Variants in TBC1D14 observed in about 807,000 individuals in gnomAD.
The protein encoded by TBC1D14 is TBC1 domain family, member 14.
In TBC1D14, 26 loss-of-function variants were observed where a neutral mutation model predicts 79.0. That is an observed-to-expected ratio of 0.33 (90% CI 0.24 to 0.46). The LOEUF (loss-of-function observed/expected upper bound fraction) is 0.46. TBC1D14 is among the 20% of genes least tolerant of loss of function. The probability of loss-of-function intolerance (pLI) is 1.00; values close to 1 mark genes in which losing one functional copy is unlikely to be tolerated. For missense variants in TBC1D14, 769 were observed against 887.6 expected, an observed-to-expected ratio of 0.87 and a Z score of 1.70; for synonymous variants, 394 against 349.9, an observed-to-expected ratio of 1.13 and a Z score of -1.40.
chr4:6,955,800 A>C (rs1442113883), intron 2 of TBC1D14, among the ~76,000 whole-genome samples: 1 of 152,182 alleles, frequency 6.6e-6, no homozygotes, highest in African/African-American at 2.4e-5. Flanking sequence ...CCACCAGGTC[A>C]GGGAGGATTG....
intron 13 of TBC1D14, among the ~76,000 whole-genome samples, chr4:7,027,593 G>C (rs187945588): frequency 8.0e-6 from 1 of 124,628 alleles, no homozygotes; most frequent in Non-Finnish European, 1.7e-5. Flanking sequence ...ACCCACCCAC[G>C]CATACAATTA....
At chr4:6,923,124 C>T (rs1723998042) in intron 1 of TBC1D14, among the ~76,000 whole-genome samples, 3 of 152,228 alleles carry the variant, frequency 2.0e-5, no homozygotes, top group Admixed American at 6.5e-5. Context: ...TCGCTTGAAC[C>T]CAGGAGGCAG....
At chr4:6,971,239 A>T (rs1196757312) in intron 3 of TBC1D14, among the ~76,000 whole-genome samples, 1 of 152,266 alleles carries the variant, frequency 6.6e-6, no homozygotes, top group Non-Finnish European at 1.5e-5. Flanking sequence ...GCATTATGAC[A>T]TCTACTTGCT....
intron 12 of TBC1D14, among the ~76,000 whole-genome samples, chr4:7,022,362 G>T (rs574928206): frequency 6.6e-6 from 1 of 152,250 alleles, no homozygotes; most frequent in Non-Finnish European, 1.5e-5. Flanking sequence ...GCGAGGCAGA[G>T]GGAAGTGTCC....
At chr4:7,007,305 T>G (rs1250268097) in intron 9 of TBC1D14, among the ~76,000 whole-genome samples, 2 of 152,158 alleles carry the variant, frequency 1.3e-5, no homozygotes, top group Non-Finnish European at 2.9e-5. Context: ...GAGGGGAGCC[T>G]CCTCCTGGGC....
upstream of TBC1D14, chr4:6,909,583 G>A (rs938565485): frequency 1.3e-5 from 2 of 151,328 alleles, no homozygotes; most frequent in Admixed American, 1.3e-4. Context: ...TCGCCACTCC[G>A]GTTGGTTCTC....
At chr4:7,022,820 A>C (rs1215814625) in intron 12 of TBC1D14, among the ~76,000 whole-genome samples, 1 of 151,856 alleles carries the variant, frequency 6.6e-6, no homozygotes, top group Non-Finnish European at 1.5e-5. Flanking sequence ...TCAGCTTAAG[A>C]ATATTATGTT....
chr4:7,016,562 A>G (rs1057005391), intron 12 of TBC1D14, among the ~76,000 whole-genome samples: 9 of 152,226 alleles, frequency 5.9e-5, no homozygotes, highest in African/African-American at 1.2e-4. Context: ...CCAAAAGTCA[A>G]TAGTGTCTTT....
At chr4:6,943,461 G>A (rs1443401187) in intron 2 of TBC1D14, among the ~76,000 whole-genome samples, 2 of 152,180 alleles carry the variant, frequency 1.3e-5, no homozygotes, top group African/African-American at 4.8e-5. Flanking sequence ...AGTTGGTGTG[G>A]CCTACGGGGC....
At chr4:6,909,682 C>T (rs967133651), upstream of TBC1D14, among the ~76,000 whole-genome samples, 3 of 151,240 alleles carry the variant, frequency 2.0e-5, no homozygotes, top group Admixed American at 1.3e-4. Context: ...CGCCGAGCTC[C>T]AGACGCGGCG....
intron 3 of TBC1D14, chr4:6,987,308 T>C (rs1717961636): frequency 7.2e-7 from 1 of 1,390,732 alleles, no homozygotes; most frequent in Non-Finnish European, 9.4e-7. Context: ...TCGCTGGGCA[T>C]GGAGCCTCCG....
chr4:7,006,451 C>CTT (rs796267160), intron 8 of TBC1D14, among the ~76,000 whole-genome samples, 181 bp from the exon 9 acceptor site: 2 of 152,210 alleles, frequency 1.3e-5, no homozygotes, highest in African/African-American at 2.4e-5. Flanking sequence ...ATTTTGTTCT[C>CTT]TAAGAAACCC....
At chr4:6,975,331 C>T (rs1331856262) in intron 3 of TBC1D14, among the ~76,000 whole-genome samples, 1 of 152,148 alleles carries the variant, frequency 6.6e-6, no homozygotes, top group South Asian at 2.1e-4. Flanking sequence ...ATCTCAGCCT[C>T]GTGAGTAACC....
chr4:6,926,399 C>G (rs1724300041), intron 2 of TBC1D14, among the ~76,000 whole-genome samples: 1 of 152,180 alleles, frequency 6.6e-6, no homozygotes, highest in Admixed American at 6.5e-5. Context: ...AAGGAAGCAT[C>G]GTTGGTTATG....
At chr4:6,946,390 T>G (rs533379587) in intron 2 of TBC1D14, among the ~76,000 whole-genome samples, 1 of 152,292 alleles carries the variant, frequency 6.6e-6, no homozygotes, top group East Asian at 1.9e-4. Flanking sequence ...TGGAGTGCAA[T>G]GGTGCAATCT....
chr4:7,024,914 G>C, intron 12 of TBC1D14, 90 bp from the exon 13 acceptor site: 1 of 1,548,316 alleles, frequency 6.5e-7, no homozygotes, highest in Non-Finnish European at 8.8e-7. Flanking sequence ...GACTAGGGGA[G>C]TGTTTTTCAT....
At chr4:6,985,121 C>T (rs1056674096) in intron 3 of TBC1D14, among the ~76,000 whole-genome samples, 2 of 152,186 alleles carry the variant, frequency 1.3e-5, no homozygotes, top group African/African-American at 4.8e-5. Flanking sequence ...AAAATTGAAC[C>T]ATTTGCAGTA....
intron 1 of TBC1D14, among the ~76,000 whole-genome samples, chr4:6,917,119 T>G (rs144424155): frequency 6.6e-6 from 1 of 152,238 alleles, no homozygotes; most frequent in Non-Finnish European, 1.5e-5. Context: ...TTCTTCCTCG[T>G]AGTCTCACCT....
intron 2 of TBC1D14, among the ~76,000 whole-genome samples, chr4:6,962,672 G>A (rs1055536693): frequency 2.1e-4 from 32 of 152,170 alleles, no homozygotes; most frequent in South Asian, 2.1e-4. Flanking sequence ...CTCTCAGCCT[G>A]CTCCAGGGAG....
Sources: gnomAD v4.1 joint callset for allele counts (sites outside exome capture counted in the v4.1 genomes callset) on GRCh38, gnomAD v4.1.1 for gene constraint, MANE v1.5 for transcripts, NCBI Gene and HGNC (gene_info 2026-07-23, HGNC 2026-07-21) for gene names.